The following CAMSAP2 variants were observed in gnomAD, a reference collection of about 807,000 sequenced individuals.
CAMSAP2 encodes calmodulin-regulated spectrin-associated protein 2.
In CAMSAP2, 26 loss-of-function variants were observed where a neutral mutation model predicts 146.1. The observed-to-expected ratio is 0.18, with a 90% CI of 0.13 to 0.25. The LOEUF (loss-of-function observed/expected upper bound fraction) is 0.25, where lower values mean the gene tolerates loss of function less well. Ranked by LOEUF, CAMSAP2 falls within the 10% of genes least tolerant of loss-of-function variation. The probability of loss-of-function intolerance (pLI) is 1.00; values close to 1 mark genes in which losing one functional copy is unlikely to be tolerated. For missense variants in CAMSAP2, 1,381 were observed against 1,759.3 expected, an observed-to-expected ratio of 0.78 and a Z score of 3.85; for synonymous variants, 499 against 596.6, an observed-to-expected ratio of 0.84 and a Z score of 2.38.
At chr1:200,822,176 G>A (rs1042229370) in intron 4 of CAMSAP2, among the ~76,000 whole-genome samples, 1 of 140,984 alleles carries the variant, frequency 7.1e-6, no homozygotes, top group Non-Finnish European at 1.5e-5. Context: ...ACACACACAC[G>A]TAAATTGTTC....
At chr1:200,777,537 C>T (rs531343971) in intron 2 of CAMSAP2, among the ~76,000 whole-genome samples, 19 of 152,032 alleles carry the variant, frequency 1.2e-4, no homozygotes, top group Admixed American at 6.6e-4. Flanking sequence ...CTCAACAACA[C>T]TTTTATCTCT....
intron 1 of CAMSAP2, among the ~76,000 whole-genome samples, chr1:200,750,466 A>G (rs747853684): frequency 1.9e-4 from 29 of 152,248 alleles, no homozygotes; most frequent in South Asian, 4.1e-4. Flanking sequence ...TAAGAATAGT[A>G]TAAAGAATTC....
At chr1:200,803,055 G>A (rs1199360251) in intron 2 of CAMSAP2, among the ~76,000 whole-genome samples, 3 of 152,148 alleles carry the variant, frequency 2.0e-5, no homozygotes, top group Non-Finnish European at 4.4e-5. Flanking sequence ...GCTGCTCTTA[G>A]ATGTCATGCT....
rs112889113 is a variant in CAMSAP2, at chr1:200,836,344, G to A, written c.927+3499G>A. Among the ~76,000 whole-genome samples, 253 of 152,264 alleles carry A rather than the reference G, an allele frequency of 1.7e-3. 1 individual carries two copies. The highest frequency in any genetic ancestry group is 5.6e-3 in the African/African-American group (234 of 41,574). On this transcript the variant is annotated intron_variant, in intron 6 of 16. Coordinates refer to ENST00000358823, the MANE Select transcript of CAMSAP2 (RefSeq NM_203459.4). ...CGTCACATAAGTGAGAGCATGTGGT[G>A]TGTGGTTTTGTTTCTGCATTAGTTT...
At chr1:200,797,939 C>T (rs1472687261) in intron 2 of CAMSAP2, among the ~76,000 whole-genome samples, 2 of 152,034 alleles carry the variant, frequency 1.3e-5, no homozygotes, top group African/African-American at 4.8e-5. Flanking sequence ...ATCCTTTCCC[C>T]ATTGCATGTT....
chr1:200,853,594 C>T lies in CAMSAP2; in HGVS notation c.3823+99C>T. The T allele has an allele frequency of 1.1e-6, 1 of 909,292 alleles. No homozygotes were observed. 56.3% of individuals were successfully genotyped at this position (909,292 alleles called of 1,614,324 possible). The stretch of plus-strand genomic sequence containing the variant: ...GTACTTTGATGTGCAAAATTGGATA[C>T]ACAGTTTGAGATTGTGCATGCTCCC... On this transcript the variant is annotated intron_variant, in intron 13 of 16. Transcript: ENST00000358823. This position sits in a 1 kb window ranked among gnomAD's most constrained non-coding sequence, Gnocchi z 5.1.
chr1:200,755,932 T>C (rs1429875847), intron 1 of CAMSAP2, among the ~76,000 whole-genome samples: 1 of 152,078 alleles, frequency 6.6e-6, no homozygotes, highest in Non-Finnish European at 1.5e-5. Context: ...GAGCCAACCA[T>C]TCATTCGGTT....
At chr1:200,770,209 T>A (rs16847193) in intron 2 of CAMSAP2, among the ~76,000 whole-genome samples, 20,432 of 152,118 alleles carry the variant, frequency 0.13, 1,422 homozygotes, top group East Asian at 0.17. Context: ...ACAAATATTA[T>A]GAATGTAATG....
intron 1 of CAMSAP2, among the ~76,000 whole-genome samples, chr1:200,740,301 C>T (rs1008795874): frequency 7.9e-5 from 12 of 151,614 alleles, no homozygotes; most frequent in Non-Finnish European, 1.3e-4. Context: ...ACATTTCTGC[C>T]TCAGTCATAA....
rs1667789826 is a variant in CAMSAP2, at chr1:200,858,014, C to T, written c.4392C>T (p.Thr1464=). 1 of 1,608,112 alleles carries T rather than the reference C, an allele frequency of 6.2e-7. No individual in the cohort carries two copies. Among genetic ancestry groups the T allele is most frequent in the East Asian group, 2.2e-5 (1 of 44,664 alleles). The change falls in exon 17 of 17, where the codon ACC becomes ACT. Residue 1464 remains threonine (T), a synonymous_variant. Transcript: ENST00000358823. The part of the protein sequence containing the change: ...AITIHSHLWQ[T]KRPVTPKKLL... The stretch of plus-strand genomic sequence containing the variant: ...CCATTCATAGCCATTTATGGCAGAC[C>T]AAAAGACCAGTAACACCCAAAAAAC...
At position 200,837,055 on chromosome 1, in the gene CAMSAP2, T is replaced by C. The variant is rs1364005323; in HGVS notation, c.927+4210T>C. Reference sequence around the variant, plus strand: ...TTCTATAAGCTCTCTGTTCACACTGTTGATAGTTTCTTTTGCTGTGCAGAA... The same window carrying C: ...TTCTATAAGCTCTCTGTTCACACTGCTGATAGTTTCTTTTGCTGTGCAGAA... On this transcript the variant is annotated intron_variant, in intron 6 of 16. Coordinates refer to ENST00000358823, the MANE Select transcript of CAMSAP2 (RefSeq NM_203459.4). Among the ~76,000 whole-genome samples the C allele has an allele frequency of 2.0e-5, 3 of 152,124 alleles. No individual in the cohort carries two copies. The East Asian group carries it at 5.8e-4, about 29-fold the overall frequency.
chr1:200,834,746 C>G (rs894196970), intron 6 of CAMSAP2, among the ~76,000 whole-genome samples: 4 of 152,092 alleles, frequency 2.6e-5, no homozygotes, highest in Non-Finnish European at 5.9e-5. Flanking sequence ...AGACCTTTGT[C>G]TTTACAGAAA....
At chr1:200,769,755 T>G (rs895330107) in intron 2 of CAMSAP2, among the ~76,000 whole-genome samples, 2 of 152,228 alleles carry the variant, frequency 1.3e-5, no homozygotes, top group Non-Finnish European at 2.9e-5. Context: ...AACCTCACTG[T>G]GCTTAGCTGT....
chr1:200,852,732 TATTTAGA>T (rs1667653303), intron 12 of CAMSAP2, 55 bp downstream of exon 12: 2 of 1,543,926 alleles, frequency 1.3e-6, no homozygotes, highest in African/African-American at 2.8e-5. Context: ...TGCATGGGCA[TATTTAGA>T]AAAAGTTGGT....
intron 4 of CAMSAP2, among the ~76,000 whole-genome samples, chr1:200,816,291 C>G (rs1558190182): frequency 7.3e-6 from 1 of 136,784 alleles, no homozygotes; most frequent in South Asian, 2.4e-4. Flanking sequence ...CCATCTCAAA[C>G]AAAAAAAATA....
chr1:200,837,244 T>C (rs1213130511), intron 6 of CAMSAP2, among the ~76,000 whole-genome samples: 2 of 152,196 alleles, frequency 1.3e-5, no homozygotes, highest in African/African-American at 2.4e-5. Context: ...AATTCTTTAA[T>C]CCATCTTGAG....
At chr1:200,835,955 G>A (rs987718337) in intron 6 of CAMSAP2, among the ~76,000 whole-genome samples, 3 of 152,042 alleles carry the variant, frequency 2.0e-5, no homozygotes, top group Non-Finnish European at 4.4e-5. Context: ...CTTTGTCTGG[G>A]TACGACCCAT....
intron 4 of CAMSAP2, among the ~76,000 whole-genome samples, chr1:200,829,509 A>T (rs1666988337): frequency 6.6e-6 from 1 of 152,212 alleles, no homozygotes; most frequent in East Asian, 1.9e-4. Flanking sequence ...CCAGTAGCGG[A>T]CCAAAACCAT....
chr1:200,848,451 C>G lies in CAMSAP2; in HGVS notation c.1682C>G (p.Pro561Arg). ...DTEKSPHTPQPDQIANGFFLH... is the reference protein window; with the variant it reads ...DTEKSPHTPQRDQIANGFFLH... ...GAAAAATCTCCTCATACACCTCAGC[C>G]AGACCAAATTGCTAATGGCTTCTTT... Residue 561 changes from proline (P) to arginine (R), a missense_variant, in exon 11 of 17, where the codon CCA (proline) becomes CGA (arginine). By Grantham distance (103) the Pro-to-Arg change is moderately radical. This residue lies in a region of CAMSAP2 where 447 missense variants were observed against 462.2 expected (regional missense o/e 0.97). Transcript: ENST00000358823. The G allele has an allele frequency of 6.2e-7, 1 of 1,613,440 alleles. No homozygotes were observed.
Sources: allele counts gnomAD v4.1 joint callset (sites outside exome capture counted in the v4.1 genomes callset), GRCh38; gene constraint gnomAD v4.1.1; regional missense constraint gnomAD v4.1.1; non-coding constraint Gnocchi (gnomAD v3.1); transcripts MANE v1.5; gene names NCBI Gene and HGNC (gene_info 2026-07-23, HGNC 2026-07-21).